The following SF3A3 variants were observed in gnomAD, a reference collection of about 807,000 sequenced individuals.
SF3A3 encodes the protein SAP 61.
Under a neutral mutation model 85.8 loss-of-function variants are expected in SF3A3, and 9 were observed. The ratio of observed to expected loss-of-function variants is 0.10; its 90% confidence interval spans 0.06 to 0.18. SF3A3 has a LOEUF of 0.18. Ranked by LOEUF, SF3A3 falls within the 10% of genes least tolerant of loss-of-function variation. SF3A3 has a pLI of 1.00. For synonymous variants in SF3A3, 195 were observed against 204.4 expected (o/e 0.95, Z 0.39); for missense variants, 306 against 593.3 (o/e 0.52, Z 5.03).
chr1:37,984,777 G>C lies in SF3A3; in HGVS notation c.306C>G (p.Ile102Met). ...CAAATTCCACTGACATTGGCACACAGATCTGAGGGGAAAAGTAAAAGCTCA... is the reference window on the plus strand; with the variant it reads ...CAAATTCCACTGACATTGGCACACACATCTGAGGGGAAAAGTAAAAGCTCA... ...KEFHRKHPNEICVPMSVEFEE... is the reference protein window; with the variant it reads ...KEFHRKHPNEMCVPMSVEFEE... The change falls in exon 5 of 17, where the codon ATC becomes ATG. Residue 102 changes from isoleucine (I) to methionine (M), a missense_variant and splice_region_variant. Physicochemically the swap from Ile to Met is conservative, Grantham distance 10. Coordinates refer to ENST00000373019, the MANE Select transcript of SF3A3 (RefSeq NM_006802.4). 1 of 1,613,038 alleles carries C rather than the reference G, an allele frequency of 6.2e-7. No homozygotes were observed. The highest frequency in any genetic ancestry group is 8.5e-7 in the Non-Finnish European group (1 of 1,179,024).
chr1:37,973,534 C>T (rs897383216), intron 12 of SF3A3, among the ~76,000 whole-genome samples: 2 of 152,150 alleles, frequency 1.3e-5, no homozygotes, highest in Non-Finnish European at 2.9e-5. Flanking sequence ...CAATGAGATA[C>T]CATCTCACAC....
intron 15 of SF3A3, among the ~76,000 whole-genome samples, chr1:37,961,253 A>C (rs1440872655): frequency 6.6e-6 from 1 of 152,206 alleles, no homozygotes; most frequent in Non-Finnish European, 1.5e-5. Context: ...ATAGGTGCTC[A>C]ACTAATCAAC....
chr1:37,964,431 C>T (rs4653340), intron 15 of SF3A3, among the ~76,000 whole-genome samples: 137,472 of 151,790 alleles, frequency 0.91, 62,385 homozygotes, highest in East Asian at 1. Context: ...ATGCTAAAAC[C>T]CTGTCTCTAC....
At chr1:37,987,031 C>T (rs1293057052) in intron 4 of SF3A3, among the ~76,000 whole-genome samples, 1 of 152,042 alleles carries the variant, frequency 6.6e-6, no homozygotes, top group Non-Finnish European at 1.5e-5. Flanking sequence ...GGCCCTAGTA[C>T]CCATACTGTG....
At chr1:37,962,283 GTCAAAA>G (rs1646265890) in intron 15 of SF3A3, among the ~76,000 whole-genome samples, 1 of 71,882 alleles carries the variant, frequency 1.4e-5, no homozygotes. Context: ...GAGCGAGACT[GTCAAAA>G]AAAAAAAAAA....
chr1:37,987,953 GAT>G, intron 2 of SF3A3, 117 bp from the exon 3 acceptor site: 3 of 829,502 alleles, frequency 3.6e-6, no homozygotes, highest in East Asian at 2.5e-5. Context: ...ATGGATATGA[GAT>G]AGTCTTAACA....
intron 6 of SF3A3, among the ~76,000 whole-genome samples, chr1:37,983,841 AG>A (rs1646437446): frequency 6.6e-6 from 1 of 151,812 alleles, no homozygotes; most frequent in East Asian, 1.9e-4. Context: ...CAGAAGGCTA[AG>A]GCAGGAGATC....
At chr1:37,969,786 A>G (rs1465217733) in intron 12 of SF3A3, 51 bp from the exon 13 acceptor site, 1 of 1,587,374 alleles carries the variant, frequency 6.3e-7, no homozygotes, top group Non-Finnish European at 8.6e-7. Context: ...GCAGAATAAG[A>G]AGGGAAATTT....
chr1:37,984,918 C>T (rs1265152570), intron 4 of SF3A3, 139 bp from the exon 5 acceptor site: 1 of 653,810 alleles, frequency 1.5e-6, no homozygotes, highest in African/African-American at 1.8e-5. Context: ...AGCGATTGTC[C>T]TGCCTCGGCC....
intron 4 of SF3A3, 101 bp from the exon 5 acceptor site, chr1:37,984,880 T>G: frequency 1.1e-6 from 1 of 925,972 alleles, no homozygotes; most frequent in East Asian, 2.5e-5. Context: ...CAATCTTGGC[T>G]CACTGCAACC....
At chr1:37,980,435 A>T (rs1454549940) in intron 8 of SF3A3, 151 bp downstream of exon 8, 1 of 824,024 alleles carries the variant, frequency 1.2e-6, no homozygotes, top group East Asian at 2.8e-5. Context: ...CAAAAAAAAA[A>T]AACATAGCAT....
chr1:37,963,005 T>C (rs1646272725), intron 15 of SF3A3, among the ~76,000 whole-genome samples: 1 of 151,752 alleles, frequency 6.6e-6, no homozygotes, highest in Non-Finnish European at 1.5e-5. Context: ...GGAGAATCGC[T>C]TGAACACAGG....
rs370217571 is a variant in SF3A3 at position 37,968,078 on chromosome 1, A to G, written c.1338T>C (p.Phe446=). ...CATCTTCAATCTGTGTCACATTAGC[A>G]AAGTGAGCAGTGTTTGGGATGCCCA... is the stretch of plus-strand genomic sequence containing the variant. ...RCLGIPNTAH[F]ANVTQIEDAV... Residue 446 remains phenylalanine (F), a synonymous_variant, in exon 15 of 17, where the codon TTT becomes TTC. Coordinates refer to ENST00000373019, the MANE Select transcript of SF3A3 (RefSeq NM_006802.4). 1.7e-5 allele frequency: 28 copies of G among 1,613,172 alleles called. No individual in the cohort carries two copies. Among genetic ancestry groups the G allele is most frequent in the Non-Finnish European group, 2.3e-5 (27 of 1,179,256 alleles).
chr1:37,962,361 T>C (rs1320261254), intron 15 of SF3A3, among the ~76,000 whole-genome samples: 1 of 142,562 alleles, frequency 7.0e-6, no homozygotes, highest in Non-Finnish European at 1.5e-5. Context: ...CCCAACACTT[T>C]GGGAGGCTAA....
rs182086058 is a variant in SF3A3 at position 37,965,106 on chromosome 1, C to G, written c.1372+2938G>C. On this transcript the variant is annotated intron_variant, in intron 15 of 16. Transcript: ENST00000373019. ...CCAGGAGGCGAAGGTTGCAGTGAGC[C>G]GAGATCAGCCACTGCATTCCAGCCT... Among the ~76,000 whole-genome samples, 564 of 151,618 alleles carry G rather than the reference C, an allele frequency of 3.7e-3. 2 individuals are homozygous for G. Among genetic ancestry groups the G allele is most frequent in the Non-Finnish European group, 5.8e-3 (397 of 67,866 alleles).
At chr1:37,960,062 G>T in intron 16 of SF3A3, 58 bp downstream of exon 16, 1 of 1,391,320 alleles carries the variant, frequency 7.2e-7, no homozygotes, top group Non-Finnish European at 1.0e-6. Flanking sequence ...TTTCTACATG[G>T]TGAGGGAGCT....
intron 4 of SF3A3, among the ~76,000 whole-genome samples, chr1:37,987,206 G>A (rs1646463542): frequency 1.3e-5 from 2 of 152,286 alleles, no homozygotes; most frequent in African/African-American, 4.8e-5. Flanking sequence ...AGCCTCCTGA[G>A]TAGTTGGGAT....
intron 16 of SF3A3, among the ~76,000 whole-genome samples, chr1:37,958,593 A>G (rs1369103450): frequency 6.6e-6 from 1 of 152,216 alleles, no homozygotes; most frequent in African/African-American, 2.4e-5. Flanking sequence ...AGGCTGACCT[A>G]CAACAGCAGT....
intron 15 of SF3A3, among the ~76,000 whole-genome samples, chr1:37,962,147 C>T (rs1646264824): frequency 6.6e-6 from 1 of 150,734 alleles, no homozygotes; most frequent in Non-Finnish European, 1.5e-5. Context: ...GTCTTCAAGC[C>T]CAGGTAATAT....
Sources: allele counts gnomAD v4.1 joint callset (sites outside exome capture counted in the v4.1 genomes callset), GRCh38; gene constraint gnomAD v4.1.1; transcripts MANE v1.5; gene names NCBI Gene and HGNC (gene_info 2026-07-23, HGNC 2026-07-21).